ACAD10: variants seen among roughly 807,000 people sequenced by gnomAD.
The protein encoded by ACAD10 is acyl-CoA dehydrogenase family member 10.
In ACAD10, 112 loss-of-function variants were observed where a neutral mutation model predicts 116.8. The ratio of observed to expected loss-of-function variants is 0.96; its 90% CI spans 0.82 to 1.12. The LOEUF is 1.12. Ranked by LOEUF, ACAD10 falls within the 50% of genes most tolerant of loss-of-function variation. The probability of loss-of-function intolerance (pLI) is 0.00; values close to 1 mark genes in which losing one functional copy is unlikely to be tolerated. For synonymous variants in ACAD10, 486 were observed against 510.6 expected (o/e 0.95, Z 0.65); for missense variants, 1,259 against 1,350.2 (o/e 0.93, Z 1.06).
intron 4 of ACAD10, among the ~76,000 whole-genome samples, chr12:111,707,874 T>G (rs992397659): frequency 2.0e-5 from 3 of 152,242 alleles, no homozygotes; most frequent in Non-Finnish European, 4.4e-5. Flanking sequence ...TCTGTTTCCC[T>G]GGAGGCTTTC....
chr12:111,722,575 G>T (rs1315499349), intron 8 of ACAD10, among the ~76,000 whole-genome samples: 4 of 151,802 alleles, frequency 2.6e-5, no homozygotes, highest in South Asian at 4.2e-4. Context: ...AGATTAGGGA[G>T]TGGTGATGAC....
At chr12:111,739,977 A>G (rs78886810) in intron 12 of ACAD10, among the ~76,000 whole-genome samples, 2,374 of 152,256 alleles carry the variant, frequency 0.016, 71 homozygotes, top group African/African-American at 0.054. Flanking sequence ...TTTTTAAAAA[A>G]CATTTGTTTT....
rs745306157 is a variant in ACAD10, at chr12:111,753,885, T to C, written c.2931T>C (p.Ala977=). ...AGGCACGGCTGCTGGTGCTGAGAGC[T>C]GCCCACCTCATGGACCTGGCAGGAA... The part of the protein sequence containing the change: ...IEQARLLVLR[A]AHLMDLAGNK... Residue 977 remains alanine (A), a synonymous_variant, in exon 19 of 21, where the codon GCT becomes GCC. Transcript: ENST00000313698. 1.2e-6 allele frequency: 2 copies of C among 1,610,936 alleles called. No individual in the cohort carries two copies. Among genetic ancestry groups the C allele is most frequent in the Non-Finnish European group, 1.7e-6 (2 of 1,178,214 alleles).
chr12:111,734,966 G>A (rs568034336), intron 11 of ACAD10, among the ~76,000 whole-genome samples: 2 of 152,292 alleles, frequency 1.3e-5, no homozygotes, highest in African/African-American at 4.8e-5. Flanking sequence ...GCCCACGCCT[G>A]TAATCCCAGC....
intron 6 of ACAD10, chr12:111,715,476 C>A: frequency 3.9e-6 from 1 of 259,000 alleles, no homozygotes. Flanking sequence ...GTTGCCATGG[C>A]TGCGTTTGTG....
intron 2 of ACAD10, among the ~76,000 whole-genome samples, chr12:111,701,173 A>G (rs967811998): frequency 6.6e-6 from 1 of 152,182 alleles, no homozygotes; most frequent in Non-Finnish European, 1.5e-5. Context: ...AACAAAAGCT[A>G]TATGTAAAGT....
Position 111,692,896 on chromosome 12 carries a change from GGTGAGCTATTGATTCT to G in ACAD10, c.187+3_187+18del, listed in dbSNP as rs779909760. 6.2e-7 allele frequency: 1 copy of G among 1,613,734 alleles called. No homozygotes were observed. Among genetic ancestry groups the G allele is most frequent in the South Asian group, 1.1e-5 (1 of 91,062 alleles). The stretch of plus-strand genomic sequence containing the variant: ...TCCTTCTCCAGGGAGAGTCGCTGCA[GGTGAGCTATTGATTCT>G]GTTTCACTTTGTGGGACTAGAGTGG... On this transcript the variant is annotated splice_donor_variant and splice_donor_5th_base_variant and intron_variant, in intron 2 of 20. Coordinates refer to ENST00000313698, the MANE Select transcript of ACAD10 (RefSeq NM_025247.6). LOFTEE classifies it high-confidence loss of function.
intron 7 of ACAD10, among the ~76,000 whole-genome samples, chr12:111,719,178 T>G (rs1593031912): frequency 6.6e-6 from 1 of 151,992 alleles, no homozygotes; most frequent in East Asian, 1.9e-4. Flanking sequence ...TATTTGGGGG[T>G]TTTTTTCTTG....
At chr12:111,716,833 G>T (rs1888859575) in intron 7 of ACAD10, among the ~76,000 whole-genome samples, 2 of 152,142 alleles carry the variant, frequency 1.3e-5, no homozygotes, top group African/African-American at 4.8e-5. Flanking sequence ...CTCCAGCCTG[G>T]GTGACAGAGC....
At chr12:111,706,303 T>C (rs1888502899) in intron 4 of ACAD10, among the ~76,000 whole-genome samples, 1 of 152,178 alleles carries the variant, frequency 6.6e-6, no homozygotes, top group Non-Finnish European at 1.5e-5. Context: ...AGACCAGTGC[T>C]GTCCAATAAA....
At chr12:111,720,462 AAGCTCTGTTGTTT>A (rs1477130316) in intron 7 of ACAD10, among the ~76,000 whole-genome samples, 1 of 152,080 alleles carries the variant, frequency 6.6e-6, no homozygotes, top group Non-Finnish European at 1.5e-5. Flanking sequence ...ATATATTTCG[AAGCTCTGTTGTTT>A]AGCACATACA....
rs112401787 is a variant in ACAD10 at position 111,744,808 on chromosome 12, A to G, written c.1880A>G (p.Gln627Arg). The change falls in exon 13 of 21, where the codon CAG becomes CGG. Residue 627 changes from glutamine to arginine, a missense_variant. By Grantham distance (43) the Gln-to-Arg change is conservative (BLOSUM62 1). Coordinates refer to ENST00000313698, the MANE Select transcript of ACAD10 (RefSeq NM_025247.6). ...CACACGTGGGCCAGGCCCCAGTCCC[A>G]GTGGTGCCCCACAGGCAGCAGGAGT... ...SYHTWARPQS[Q>R]WCPTGSRSYS... is the part of the protein sequence containing the mutation. 1 of 1,614,244 alleles carries G rather than the reference A, an allele frequency of 6.2e-7. No individual in the cohort carries two copies. Among genetic ancestry groups the G allele is most frequent in the South Asian group, 1.1e-5 (1 of 91,090 alleles).
At chr12:111,755,595 G>A (rs532658137) in intron 19 of ACAD10, 73 bp from the exon 20 acceptor site, 1 of 1,108,182 alleles carries the variant, frequency 9.0e-7, no homozygotes, top group African/African-American at 1.5e-5. Context: ...TAGAGATGGG[G>A]GACGGGGGGG....
rs747059111 is a variant in ACAD10, at chr12:111,702,180, G to A, written c.206G>A (p.Arg69His). 1.7e-5 allele frequency: 27 copies of A among 1,613,760 alleles called. No homozygotes were observed. The highest frequency in any genetic ancestry group is 2.2e-5 in the South Asian group (2 of 91,012). The change falls in exon 3 of 21, where the codon CGT becomes CAT. Residue 69 changes from arginine (R) to histidine (H), a missense_variant. Transcript: ENST00000313698. Reference sequence around the variant, plus strand: ...CCTATAGAATGGGAGGTACAGAATCGTATCCCTTCTGGAACTATATTAAAG... The same window carrying A: ...CCTATAGAATGGGAGGTACAGAATCATATCCCTTCTGGAACTATATTAAAG... Reference protein sequence around the residue: ...RVAAEWEVQNRIPSGTILKAL... With the variant: ...RVAAEWEVQNHIPSGTILKAL...
intron 9 of ACAD10, among the ~76,000 whole-genome samples, chr12:111,728,818 T>G (rs1889302831): frequency 6.6e-6 from 1 of 152,072 alleles, no homozygotes; most frequent in Admixed American, 6.6e-5. Context: ...CCCTCTTGAG[T>G]AGCTGGGACT....
At position 111,727,876 on chromosome 12, in the gene ACAD10, G is replaced by A. The variant is rs1038782175; in HGVS notation, c.1062-86G>A. 1.5e-5 allele frequency: 20 copies of A among 1,375,724 alleles called. No homozygotes were observed. The Admixed American group carries it at 4.4e-4, about 30-fold the overall frequency. 85.2% of individuals were successfully genotyped at this position (1,375,724 alleles called of 1,614,324 possible). ...CACCAGCTCTCAACCTGTATACCCA[G>A]GGAAAGTGACAAAGAATAGGGTCAT... On this transcript the variant is annotated intron_variant, in intron 8 of 20. Coordinates refer to ENST00000313698, the MANE Select transcript of ACAD10 (RefSeq NM_025247.6).
intron 11 of ACAD10, among the ~76,000 whole-genome samples, chr12:111,736,267 A>G (rs1889561573): frequency 6.7e-6 from 1 of 148,870 alleles, no homozygotes; most frequent in Non-Finnish European, 1.5e-5. Context: ...GCTCACTGCA[A>G]CCTCTGCCTC....
At chr12:111,731,980 G>T (rs1889398207) in intron 10 of ACAD10, among the ~76,000 whole-genome samples, 1 of 152,030 alleles carries the variant, frequency 6.6e-6, no homozygotes, top group South Asian at 2.1e-4. Context: ...ACTCGGGAGG[G>T]TGAGGCAGGA....
rs1889585785 is a variant in ACAD10 at position 111,737,005 on chromosome 12, GTAA to G, written c.1714+3_1714+5del. The G allele has an allele frequency of 6.2e-7, 1 of 1,613,018 alleles. No homozygotes were observed. Among genetic ancestry groups the G allele is most frequent in the Admixed American group, 1.7e-5 (1 of 59,882 alleles). On this transcript the variant is annotated splice_donor_variant and splice_donor_region_variant and intron_variant, in intron 12 of 20. Coordinates refer to ENST00000313698, the MANE Select transcript of ACAD10 (RefSeq NM_025247.6). LOFTEE classifies it high-confidence loss of function. ...GGAGTCTACAAGCGATCACTCACAG[GTAA>G]TGGGATGGCTGCCCTGAAGAGCCAC...
Sources: gnomAD v4.1 joint callset for allele counts (sites outside exome capture counted in the v4.1 genomes callset) on GRCh38, gnomAD v4.1.1 for gene constraint, MANE v1.5 for transcripts, NCBI Gene and HGNC (gene_info 2026-07-23, HGNC 2026-07-21) for gene names.